The following FAM118A variants were observed in gnomAD, a reference collection of about 807,000 sequenced individuals.
FAM118A encodes the protein protein FAM118A.
FAM118A carries 25 observed loss-of-function variants against 38.2 expected under a neutral mutation model. The observed-to-expected ratio is 0.65, with a 90% CI of 0.48 to 0.91. The LOEUF is 0.91. Ranked by LOEUF, FAM118A falls within the 40% of genes least tolerant of loss-of-function variation. FAM118A has a pLI of 0.00. For missense variants in FAM118A, 425 were observed against 463.3 expected, an observed-to-expected ratio of 0.92 and a Z score of 0.76; for synonymous variants, 178 against 184.1, an observed-to-expected ratio of 0.97 and a Z score of 0.27.
At chr22:45,322,291 G>A (rs1298849973) in intron 1 of FAM118A, 80 bp from the exon 2 acceptor site, 2 of 1,582,672 alleles carry the variant, frequency 1.3e-6, no homozygotes, top group East Asian at 2.2e-5. Context: ...TTTAATTCTA[G>A]CCTTAACTAT....
chr22:45,339,878 G>C lies in FAM118A; in HGVS notation c.1055-508G>C, dbSNP rs567175661. ...CAGGGGTTTTCTTCAATACCTGTGA[G>C]ATCTGTGCTCCTAGACGCCATCACC... On this transcript the variant is annotated intron_variant, in intron 8 of 8. Transcript: ENST00000441876. 2.0e-3 allele frequency among the ~76,000 whole-genome samples: 298 copies of C among 152,260 alleles called. 1 individual carries two copies. Among genetic ancestry groups the C allele is most frequent in the Non-Finnish European group, 3.5e-3 (240 of 68,016 alleles).
intron 8 of FAM118A, among the ~76,000 whole-genome samples, chr22:45,339,457 C>G (rs1245705914): frequency 6.6e-6 from 1 of 152,124 alleles, no homozygotes; most frequent in Non-Finnish European, 1.5e-5. Flanking sequence ...TGGGGGCACA[C>G]ATGTTTTAGA....
chr22:45,333,998 C>T (rs917418484), intron 6 of FAM118A, among the ~76,000 whole-genome samples: 8 of 152,206 alleles, frequency 5.3e-5, no homozygotes, highest in African/African-American at 1.9e-4. Flanking sequence ...GCAGATATCT[C>T]ATATCTGTGT....
upstream of FAM118A, chr22:45,309,804 C>CGGCGGGGCGCGGCGG (rs2084282811): frequency 6.6e-6 from 1 of 151,022 alleles, no homozygotes; most frequent in Non-Finnish European, 1.5e-5. Flanking sequence ...GAGGATCTGG[C>CGGCGGGGCGCGGCGG]GGCGGGGCGG....
Position 45,327,846 on chromosome 22 carries a change from C to G in FAM118A, c.305C>G (p.Thr102Arg). ...TGTCGTTCCACCTTTTTGTAGCGCA[C>G]AGGCGATGCCAAGCCCAGCTTCTTC... ...HDLIRKMSPR[T>R]GDAKPSFFQD... The change falls in exon 4 of 9, where the codon ACA becomes AGA. Residue 102 changes from threonine to arginine, a missense_variant. Thr to Arg is a moderately conservative substitution (Grantham distance 71, BLOSUM62 -1). Transcript: ENST00000441876. The G allele has an allele frequency of 6.2e-7, 1 of 1,614,238 alleles. No individual in the cohort carries two copies. Among genetic ancestry groups the G allele is most frequent in the Non-Finnish European group, 8.5e-7 (1 of 1,180,044 alleles).
At chr22:45,311,135 T>TG (rs1369630253) in intron 1 of FAM118A, among the ~76,000 whole-genome samples, 1 of 151,932 alleles carries the variant, frequency 6.6e-6, no homozygotes, top group African/African-American at 2.4e-5. Context: ...TTAGGAGTCG[T>TG]GGGGAGGAGA....
intron 1 of FAM118A, among the ~76,000 whole-genome samples, chr22:45,320,727 C>T (rs1004093702): frequency 5.3e-5 from 8 of 152,174 alleles, no homozygotes; most frequent in Admixed American, 2.0e-4. Flanking sequence ...TGTGAGCCAG[C>T]GTACTCTGCC....
intron 1 of FAM118A, among the ~76,000 whole-genome samples, chr22:45,315,571 T>G (rs189198016): frequency 1.7e-4 from 26 of 152,224 alleles, no homozygotes; most frequent in African/African-American, 6.0e-4. Flanking sequence ...GCCCCGTCGG[T>G]GATGTGCATG....
rs545624035 is a variant in FAM118A, at chr22:45,334,535, T to C, written c.938-815T>C. Among the ~76,000 whole-genome samples the C allele has an allele frequency of 2.0e-5, 3 of 152,312 alleles. No homozygotes were observed. The East Asian group carries it at 5.8e-4, about 29-fold the overall frequency. ...AAGTATGATTAGGGCAACAGCTTCT[T>C]ATTAAGGGCAGAAGAAAAGAGCTCC... is the stretch of plus-strand genomic sequence containing the variant. On this transcript the variant is annotated intron_variant, in intron 6 of 8. Coordinates refer to ENST00000441876, the MANE Select transcript of FAM118A (RefSeq NM_017911.4).
intron 1 of FAM118A, among the ~76,000 whole-genome samples, chr22:45,320,893 C>T (rs1430961539): frequency 3.3e-5 from 5 of 152,182 alleles, no homozygotes; most frequent in Non-Finnish European, 7.3e-5. Context: ...GAAATCTCTC[C>T]TAAATAAATA....
chr22:45,309,594 G>C (rs996052543), upstream of FAM118A: 1 of 152,344 alleles, frequency 6.6e-6, no homozygotes, highest in Non-Finnish European at 1.5e-5. Context: ...TCCCTGCAAA[G>C]TGCTCCCGCC....
intron 4 of FAM118A, 74 bp from the exon 5 acceptor site, chr22:45,330,528 AT>A (rs2085632929): frequency 7.1e-7 from 1 of 1,404,930 alleles, no homozygotes; most frequent in South Asian, 1.7e-5. Context: ...CTATGAATCC[AT>A]TTTCAGTATT....
chr22:45,329,753 G>A (rs372432399), intron 4 of FAM118A: 2 of 152,394 alleles, frequency 1.3e-5, no homozygotes, highest in African/African-American at 4.8e-5. Context: ...GAGCCACATG[G>A]TCCCCACTGC....
intron 5 of FAM118A, 71 bp downstream of exon 5, chr22:45,330,802 A>C: frequency 7.1e-7 from 1 of 1,417,292 alleles, no homozygotes; most frequent in Middle Eastern, 2.1e-4. Flanking sequence ...CATTGGCTGC[A>C]GTTGAGTGGC....
At chr22:45,320,819 G>A (rs1244478115) in intron 1 of FAM118A, among the ~76,000 whole-genome samples, 1 of 152,176 alleles carries the variant, frequency 6.6e-6, no homozygotes, top group Non-Finnish European at 1.5e-5. Context: ...CTGGAAAGCG[G>A]TTTGGTGGTG....
intron 8 of FAM118A, among the ~76,000 whole-genome samples, chr22:45,340,012 G>C (rs1212660440): frequency 6.6e-6 from 1 of 152,216 alleles, no homozygotes; most frequent in South Asian, 2.1e-4. Flanking sequence ...GGTGAGAGAA[G>C]CCAAGCCTGG....
rs1026614629 is a variant in FAM118A, at chr22:45,331,923, C to T, written c.652-502C>T. Among the ~76,000 whole-genome samples, 4 of 152,036 alleles carry T rather than the reference C, an allele frequency of 2.6e-5. No individual in the cohort carries two copies. The East Asian group carries it at 5.8e-4, about 22-fold the overall frequency. ...CCTCCTCAGCTCTCTTGCCCTCATT[C>T]GCAAAACCACCCCTGCAAGAATTCC... On this transcript the variant is annotated intron_variant, in intron 5 of 8. Coordinates refer to ENST00000441876, the MANE Select transcript of FAM118A (RefSeq NM_017911.4).
At position 45,312,432 on chromosome 22, in the gene FAM118A, G is replaced by A. The variant is rs186776460; in HGVS notation, c.-10+2249G>A. On this transcript the variant is annotated intron_variant, in intron 1 of 8. Coordinates refer to ENST00000441876, the MANE Select transcript of FAM118A (RefSeq NM_017911.4). ...TCACGCCTGTAATCCTAGCACTTTG[G>A]TAGGCCGAGGAGGGTAGATCATCTG... is the stretch of plus-strand genomic sequence containing the variant. Among the ~76,000 whole-genome samples, 15 of 152,290 alleles carry A rather than the reference G, an allele frequency of 9.8e-5. No individual in the cohort carries two copies. In the South Asian group the frequency reaches 3.1e-3, roughly 32 times the overall value.
chr22:45,322,483 C>A, intron 2 of FAM118A, 57 bp downstream of exon 2: 1 of 1,440,724 alleles, frequency 6.9e-7, no homozygotes, highest in Non-Finnish European at 9.6e-7. Context: ...TAGCGTCTCT[C>A]GTGAGTGTGC....
Sources: gnomAD v4.1 joint callset for allele counts (sites outside exome capture counted in the v4.1 genomes callset) on GRCh38, gnomAD v4.1.1 for gene constraint, MANE v1.5 for transcripts, NCBI Gene and HGNC (gene_info 2026-07-23, HGNC 2026-07-21) for gene names.